RPS6KC1: variants seen among roughly 807,000 people sequenced by gnomAD.
The protein encoded by RPS6KC1 is ribosomal protein S6 kinase C1.
Under a neutral mutation model 103.8 loss-of-function variants are expected in RPS6KC1, and 54 were observed. That is an observed-to-expected ratio of 0.52 (90% CI 0.42 to 0.65). The LOEUF is 0.65. Among genes scored for constraint, RPS6KC1 ranks in the 30% least tolerant of loss-of-function variants. The pLI, the probability that RPS6KC1 is intolerant of heterozygous loss-of-function variation, is 0.00. For missense variants in RPS6KC1, 1,151 were observed against 1,253.8 expected, an observed-to-expected ratio of 0.92 and a Z score of 1.24; for synonymous variants, 439 against 438.7, an observed-to-expected ratio of 1.00 and a Z score of -0.01.
At chr1:213,377,656 T>C in the RPS6KC1 span, among the ~76,000 whole-genome samples, 1 of 152,216 alleles carries the variant, frequency 6.6e-6, no homozygotes, top group Non-Finnish European at 1.5e-5. Context: ...AGGTGGAACA[T>C]TTCTCAAGCT....
chr1:213,714,462 C>T, the RPS6KC1 span, among the ~76,000 whole-genome samples: 1 of 152,170 alleles, frequency 6.6e-6, no homozygotes, highest in Non-Finnish European at 1.5e-5. Context: ...TTCGTTTATA[C>T]GTAGGAGTGA....
intron 4 of RPS6KC1, among the ~76,000 whole-genome samples, chr1:213,116,710 T>G (rs1431703040): frequency 6.6e-6 from 1 of 151,974 alleles, no homozygotes; most frequent in African/African-American, 2.4e-5. Flanking sequence ...CTTTCCATGT[T>G]TAGCGCTTCC....
the RPS6KC1 span, among the ~76,000 whole-genome samples, chr1:213,408,002 T>C: frequency 6.6e-6 from 1 of 152,222 alleles, no homozygotes; most frequent in Non-Finnish European, 1.5e-5. Flanking sequence ...TAGCTACAGA[T>C]ATGGAAGCTC....
the RPS6KC1 span, among the ~76,000 whole-genome samples, chr1:213,692,254 G>A: frequency 1.3e-5 from 2 of 152,048 alleles, no homozygotes; most frequent in Admixed American, 1.3e-4. Context: ...AATTAGCTGG[G>A]CATGGTGGCA....
At chr1:213,553,593 C>T in the RPS6KC1 span, among the ~76,000 whole-genome samples, 123 of 152,236 alleles carry the variant, frequency 8.1e-4, no homozygotes, top group African/African-American at 2.4e-3. Context: ...TACTGCTTTC[C>T]GTAGTACTCA....
At chr1:213,300,346 T>C in the RPS6KC1 span, among the ~76,000 whole-genome samples, 473 of 152,282 alleles carry the variant, frequency 3.1e-3, 5 homozygotes, top group African/African-American at 0.01. Flanking sequence ...ACTCTGTTGG[T>C]TGAAGTCCCA....
At chr1:213,710,750 G>C in the RPS6KC1 span, among the ~76,000 whole-genome samples, 1 of 152,106 alleles carries the variant, frequency 6.6e-6, no homozygotes, top group African/African-American at 2.4e-5. Context: ...GGCTGTAAAG[G>C]ATTTTATTTT....
At chr1:213,090,557 A>T (rs1293695524) in intron 3 of RPS6KC1, among the ~76,000 whole-genome samples, 5 of 152,248 alleles carry the variant, frequency 3.3e-5, no homozygotes, top group Admixed American at 6.5e-5. Context: ...CAACAGGAAG[A>T]GTATAAATTC....
the RPS6KC1 span, among the ~76,000 whole-genome samples, chr1:213,570,953 T>A: frequency 2.0e-5 from 3 of 152,210 alleles, no homozygotes; most frequent in Non-Finnish European, 4.4e-5. Context: ...GTTAAAATAA[T>A]GTCATACTCT....
At chr1:213,478,493 A>G in the RPS6KC1 span, among the ~76,000 whole-genome samples, 1 of 152,162 alleles carries the variant, frequency 6.6e-6, no homozygotes, top group African/African-American at 2.4e-5. Flanking sequence ...CAAATGAGTG[A>G]AAGTTCTTGT....
chr1:213,214,219 A>T (rs1402750228), intron 8 of RPS6KC1, among the ~76,000 whole-genome samples: 1 of 152,264 alleles, frequency 6.6e-6, no homozygotes, highest in African/African-American at 2.4e-5. Flanking sequence ...ACGGCACACC[A>T]GAAGATTATA....
chr1:213,187,904 G>C (rs76689850), intron 8 of RPS6KC1, among the ~76,000 whole-genome samples: 2 of 151,872 alleles, frequency 1.3e-5, no homozygotes, highest in Non-Finnish European at 2.9e-5. Flanking sequence ...CCTCTTTTTA[G>C]CTCTAGGAGG....
chr1:213,153,155 T>C (rs993122061), intron 6 of RPS6KC1, among the ~76,000 whole-genome samples: 2 of 151,220 alleles, frequency 1.3e-5, no homozygotes, highest in Non-Finnish European at 3.0e-5. Flanking sequence ...GGCAGGGAGG[T>C]TGCAGTGAGC....
the RPS6KC1 span, among the ~76,000 whole-genome samples, chr1:213,834,075 A>G: frequency 2.0e-5 from 3 of 152,058 alleles, no homozygotes; most frequent in Non-Finnish European, 4.4e-5. Context: ...TCATTCTATT[A>G]TTTCCTAGGC....
At chr1:213,629,762 C>G in the RPS6KC1 span, among the ~76,000 whole-genome samples, 27 of 152,202 alleles carry the variant, frequency 1.8e-4, no homozygotes, top group African/African-American at 6.3e-4. Context: ...TTCAGGAGCT[C>G]TTTTAGGGCA....
the RPS6KC1 span, among the ~76,000 whole-genome samples, chr1:213,539,797 A>G: frequency 6.6e-6 from 1 of 152,188 alleles, no homozygotes; most frequent in Non-Finnish European, 1.5e-5. Flanking sequence ...TCTCAGAAAT[A>G]TTGCAGGTTC....
intron 8 of RPS6KC1, among the ~76,000 whole-genome samples, chr1:213,181,008 T>C (rs559474488): frequency 4.6e-5 from 7 of 152,290 alleles, no homozygotes; most frequent in Non-Finnish European, 7.3e-5. Flanking sequence ...ATTAGAACTA[T>C]ATAAGGTGTC....
the RPS6KC1 span, among the ~76,000 whole-genome samples, chr1:213,592,488 G>A: frequency 1.3e-5 from 2 of 152,192 alleles, no homozygotes; most frequent in African/African-American, 4.8e-5. Flanking sequence ...ACAATGACTG[G>A]AGCTGAGTAC....
At chr1:213,412,690 G>A in the RPS6KC1 span, among the ~76,000 whole-genome samples, 1 of 152,240 alleles carries the variant, frequency 6.6e-6, no homozygotes, top group Non-Finnish European at 1.5e-5. Context: ...CATGTCCAGT[G>A]GGTGACAGGA....
Sources: allele counts gnomAD v4.1 joint callset (sites outside exome capture counted in the v4.1 genomes callset), GRCh38; gene constraint gnomAD v4.1.1; transcripts MANE v1.5; gene names NCBI Gene and HGNC (gene_info 2026-07-23, HGNC 2026-07-21).